HYI: variants seen among roughly 807,000 people sequenced by gnomAD.
HYI encodes the protein putative hydroxypyruvate isomerase.
In HYI, 47 loss-of-function variants were observed where a neutral mutation model predicts 39.7. The observed-to-expected ratio is 1.18, with a 90% CI of 0.94 to 1.51. HYI has a LOEUF of 1.51. Ranked by LOEUF, HYI falls within the 40% of genes most tolerant of loss-of-function variation. The pLI, the probability that HYI is intolerant of heterozygous loss-of-function variation, is 0.00. For synonymous variants in HYI, 186 were observed against 158.8 expected (o/e 1.17, Z -1.29); for missense variants, 465 against 370.3 (o/e 1.26, Z -2.10).
At chr1:43,451,760 C>T in intron 5 of HYI, 38 bp downstream of exon 5, 1 of 1,613,910 alleles carries the variant, frequency 6.2e-7, no homozygotes, top group East Asian at 2.2e-5. Flanking sequence ...GCAGGCCCCG[C>T]CCTCCTTCCG....
In HYI at chr1:43,453,888, G is replaced by T; in HGVS notation, c.-95C>A. The T allele has an allele frequency of 8.2e-7, 1 of 1,224,952 alleles. No individual in the cohort carries two copies. The highest frequency in any genetic ancestry group is 1.0e-6 in the Non-Finnish European group (1 of 984,450). 75.9% of individuals were successfully genotyped at this position (1,224,952 alleles called of 1,614,324 possible). ...GGCGGGGGCGGGGCTCTCCTTGCTG[G>T]CCCTGCGAACGAACGAGCACTGTTC... is the stretch of plus-strand genomic sequence containing the variant. On this transcript the variant is annotated 5_prime_UTR_variant, in exon 1 of 8. Transcript: ENST00000372430.
intron 2 of HYI, chr1:43,452,930 T>TA: frequency 1.2e-6 from 2 of 1,607,882 alleles, no homozygotes; most frequent in Non-Finnish European, 1.7e-6. Flanking sequence ...CGCTGCCAAA[T>TA]ACACCAGGCC....
chr1:43,453,706 A>AGCTGCCC lies in HYI; in HGVS notation c.81_87dup (p.Ser30GlyfsTer19). On this transcript the variant is annotated frameshift_variant, in exon 1 of 8. Coordinates refer to ENST00000372430, the MANE Select transcript of HYI (RefSeq NM_001190880.3). LOFTEE classifies it high-confidence loss of function. Reference sequence around the variant, plus strand: ...GCCACCTCGACGGCCTCGAAGCCCGAGCTGCCCGCGGCCCGCACCCGCGCG... The same window carrying AGCTGCCC: ...GCCACCTCGACGGCCTCGAAGCCCGAGCTGCCCGCTGCCCGCGGCCCGCACCCGCGCG... 2.1e-6 allele frequency: 3 copies of AGCTGCCC among 1,420,024 alleles called. No homozygotes were observed. Among genetic ancestry groups the AGCTGCCC allele is most frequent in the Non-Finnish European group, 2.7e-6 (3 of 1,096,802 alleles). The allele number at this position is 1,420,024 out of a possible 1,614,324, so 88.0% of individuals were successfully genotyped here. A position where few individuals can be genotyped will look rare whatever the true frequency, so the allele number is the denominator to read the frequency against.
chr1:43,451,428 A>G lies in HYI; in HGVS notation c.742T>C (p.Cys248Arg), dbSNP rs769354986. ...EDEGYKGFVG[C>R]EYQPRGDTVE... is the part of the protein sequence containing the mutation. Reference sequence around the variant, plus strand: ...GCCTCACCTCGAGGCTGATACTCACAGCCCACGAAGCCTTTGTAGCCTTCA... The same window carrying G: ...GCCTCACCTCGAGGCTGATACTCACGGCCCACGAAGCCTTTGTAGCCTTCA... The change falls in exon 7 of 8, where the codon TGT becomes CGT. Residue 248 changes from cysteine (C) to arginine (R), a missense_variant. By Grantham distance (180) the Cys-to-Arg change is radical. Transcript: ENST00000372430. 1.7e-5 allele frequency: 27 copies of G among 1,613,302 alleles called. No homozygotes were observed. The South Asian group carries it at 2.9e-4, about 17-fold the overall frequency.
rs79439514 is a variant in HYI at position 43,451,427 on chromosome 1, C to T, written c.743G>A (p.Cys248Tyr). ...EDEGYKGFVG[C>Y]EYQPRGDTVE... ...CGCCTCACCTCGAGGCTGATACTCA[C>T]AGCCCACGAAGCCTTTGTAGCCTTC... The change falls in exon 7 of 8, where the codon TGT (cysteine) becomes TAT (tyrosine). Residue 248 changes from cysteine (C) to tyrosine (Y), a missense_variant. Cys to Tyr is a radical substitution (Grantham distance 194). Coordinates refer to ENST00000372430, the MANE Select transcript of HYI (RefSeq NM_001190880.3). 2 of 1,613,232 alleles carry T rather than the reference C, an allele frequency of 1.2e-6. No homozygotes were observed. The highest frequency in any genetic ancestry group is 2.2e-5 in the East Asian group (1 of 44,890).
chr1:43,451,108 T>C lies in HYI; in HGVS notation c.*130A>G, dbSNP rs1040863745. The C allele has an allele frequency of 6.6e-6, 6 of 915,890 alleles. No homozygotes were observed. The highest frequency in any genetic ancestry group is 9.0e-6 in the Non-Finnish European group (5 of 553,852). 56.7% of individuals were successfully genotyped at this position (915,890 alleles called of 1,614,324 possible). A position where few individuals can be genotyped will look rare whatever the true frequency, so the allele number is the denominator to read the frequency against. On this transcript the variant is annotated 3_prime_UTR_variant, in exon 8 of 8. Transcript: ENST00000372430. ...GAGGGAAGCAGCAGAGAAACTGAAG[T>C]GTTAGACACTATGTGTCCCACCACC... is the stretch of plus-strand genomic sequence containing the variant.
At chr1:43,450,937 G>T (rs1393010241), downstream of HYI, 1 of 757,092 alleles carries the variant, frequency 1.3e-6, no homozygotes, top group Non-Finnish European at 2.4e-6. The surrounding 1 kb of genome is among the most constrained non-coding windows in gnomAD (Gnocchi z 4.3). Context: ...ATGACACCTG[G>T]GTTCCAATCC....
At position 43,451,015 on chromosome 1, in the gene HYI, T is replaced by C; in HGVS notation, c.*223A>G. On this transcript the variant is annotated 3_prime_UTR_variant, in exon 8 of 8. Coordinates refer to ENST00000372430, the MANE Select transcript of HYI (RefSeq NM_001190880.3). ...TTGCTCTCGGACCCTGGGTTTCTCA[T>C]CCTTTAATGAGGTGGGTTCAGAAGC... 1 of 769,674 alleles carries C rather than the reference T, an allele frequency of 1.3e-6. No individual in the cohort carries two copies. The highest frequency in any genetic ancestry group is 2.4e-6 in the Non-Finnish European group (1 of 422,752). The allele number at this position is 769,674 out of a possible 1,614,324, so 47.7% of individuals were successfully genotyped here.
Position 43,453,444 on chromosome 1 carries a change from C to T in HYI, c.253G>A (p.Ala85Thr), listed in dbSNP as rs866325841. 2 of 1,564,090 alleles carry T rather than the reference C, an allele frequency of 1.3e-6. No individual in the cohort carries two copies. The highest frequency in any genetic ancestry group is 8.7e-7 in the Non-Finnish European group (1 of 1,153,266). Residue 85 changes from alanine to threonine, a missense_variant, in exon 2 of 8, where the codon GCC becomes ACC. Physicochemically the swap from Ala to Thr is moderately conservative, Grantham distance 58 (BLOSUM62 0). Coordinates refer to ENST00000372430, the MANE Select transcript of HYI (RefSeq NM_001190880.3). ...GLGAVPGRQA[A>T]FREGLEQAVR... ...GCCTGCTCCAGTCCCTCTCGGAAGG[C>T]CGCCTGTCTCCCGGGGACGGCCCCC...
chr1:43,452,359 T>C (rs1446133329), intron 2 of HYI, 40 bp from the exon 3 acceptor site: 1 of 1,495,942 alleles, frequency 6.7e-7, no homozygotes, highest in Non-Finnish European at 9.3e-7. Context: ...CTCCCTTGGC[T>C]CTCTCTGCAC....
Position 43,453,205 on chromosome 1 carries a change from A to C in HYI, c.311+181T>G, listed in dbSNP as rs1390710518. 137 of 641,478 alleles carry C rather than the reference A, an allele frequency of 2.1e-4. 1 individual carries two copies. The East Asian group carries it at 3.7e-3, about 17-fold the overall frequency. 39.7% of individuals were successfully genotyped at this position (641,478 alleles called of 1,614,324 possible). A position where few individuals can be genotyped will look rare whatever the true frequency, so the allele number is the denominator to read the frequency against. ...CATGGGGTGAGCATGAAAGAGTGGCAAACAGAGTGGCATAAGACAGATAAA... is the reference window on the plus strand; with the variant it reads ...CATGGGGTGAGCATGAAAGAGTGGCCAACAGAGTGGCATAAGACAGATAAA... On this transcript the variant is annotated intron_variant, in intron 2 of 7. Transcript: ENST00000372430.
Position 43,453,395 on chromosome 1 carries a change from C to T in HYI, c.302G>A (p.Gly101Asp), listed in dbSNP as rs141158872. The change falls in exon 2 of 8, where the codon GGC (glycine) becomes GAC (aspartate). Residue 101 changes from glycine to aspartate, a missense_variant. Transcript: ENST00000372430. ...EQAVRYAKAL[G>D]CPRIHLMAGR... ...GGGTGGAGCGGGGTACCTGGGACAG[C>T]CCAGGGCTTTGGCATACCGCACGGC... The T allele has an allele frequency of 4.9e-4, 756 of 1,553,608 alleles. 4 individuals carry two copies. In the African/African-American group the frequency reaches 9.1e-3, roughly 19 times the overall value.
chr1:43,453,494 T>C lies in HYI; in HGVS notation c.203A>G (p.Asp68Gly). 1 of 1,552,610 alleles carries C rather than the reference T, an allele frequency of 6.4e-7. No homozygotes were observed. The highest frequency in any genetic ancestry group is 8.7e-7 in the Non-Finnish European group (1 of 1,147,290). Residue 68 changes from aspartate (D) to glycine (G), a missense_variant, in exon 2 of 8, where the codon GAC (aspartate) becomes GGC (glycine). Asp to Gly is a moderately conservative substitution (Grantham distance 94, BLOSUM62 -1). Transcript: ENST00000372430. ...CAGCCCCATTTCCCCCTTCTCTTGGTCTCCTGCAGAGAGAACGGGCCTCAG... is the reference window on the plus strand; with the variant it reads ...CAGCCCCATTTCCCCCTTCTCTTGGCCTCCTGCAGAGAGAACGGGCCTCAG... ...RLVLINTPPGDQEKGEMGLGA... is the reference protein window; with the variant it reads ...RLVLINTPPGGQEKGEMGLGA...
downstream of HYI, chr1:43,450,660 G>A (rs568017248): frequency 2.5e-3 from 2,409 of 955,576 alleles, 9 homozygotes; most frequent in Non-Finnish European, 3.4e-3. This position sits in a 1 kb window ranked among gnomAD's most constrained non-coding sequence, Gnocchi z 4.3. Context: ...AGCAGGAACC[G>A]CCCTCCCCAA....
In HYI at chr1:43,453,613, G is replaced by C; in HGVS notation, c.181C>G (p.Leu61Val). ...GACGCACCCGGGGGCGTGTTGATCA[G>C]TACAAGCCGCAGCCCCGCTTCTCGC... ...AAREAGLRLV[L>V]INTPPGDQEK... Residue 61 changes from leucine (L) to valine (V), a missense_variant, in exon 1 of 8, where the codon CTG becomes GTG. Leu to Val is a conservative substitution (Grantham distance 32). Transcript: ENST00000372430. 1 of 1,504,110 alleles carries C rather than the reference G, an allele frequency of 6.6e-7. No individual in the cohort carries two copies. The highest frequency in any genetic ancestry group is 1.3e-5 in the South Asian group (1 of 79,066). 93.2% of individuals were successfully genotyped at this position (1,504,110 alleles called of 1,614,324 possible). A position where few individuals can be genotyped will look rare whatever the true frequency, so the allele number is the denominator to read the frequency against.
Position 43,452,815 on chromosome 1 carries a change from G to A in HYI, c.312-496C>T, listed in dbSNP as rs1193578315. ...ATTTGAATCAGCCCCACTTTGAGCC[G>A]TCCACCTCCTCCCATCATCCCCTGA... On this transcript the variant is annotated intron_variant, in intron 2 of 7. Coordinates refer to ENST00000372430, the MANE Select transcript of HYI (RefSeq NM_001190880.3). 31 of 1,398,322 alleles carry A rather than the reference G, an allele frequency of 2.2e-5. No homozygotes were observed. The East Asian group carries it at 4.5e-4, about 20-fold the overall frequency. The allele number at this position is 1,398,322 out of a possible 1,614,324, so 86.6% of individuals were successfully genotyped here. A position where few individuals can be genotyped will look rare whatever the true frequency, so the allele number is the denominator to read the frequency against.
In HYI at chr1:43,453,401, G is replaced by T; in HGVS notation, c.296C>A (p.Ala99Asp). The T allele has an allele frequency of 6.4e-7, 1 of 1,555,450 alleles. No homozygotes were observed. The highest frequency in any genetic ancestry group is 8.7e-7 in the Non-Finnish European group (1 of 1,148,680). ...GLEQAVRYAK[A>D]LGCPRIHLMA... ...AGCGGGGTACCTGGGACAGCCCAGG[G>T]CTTTGGCATACCGCACGGCCTGCTC... Residue 99 changes from alanine (A) to aspartate (D), a missense_variant, in exon 2 of 8, where the codon GCC (alanine) becomes GAC (aspartate). Ala to Asp is a moderately radical substitution (Grantham distance 126, BLOSUM62 -2). Transcript: ENST00000372430.
Position 43,453,844 on chromosome 1 carries a change from C to T in HYI, c.-51G>A, listed in dbSNP as rs1230643712. On this transcript the variant is annotated 5_prime_UTR_variant, in exon 1 of 8. Coordinates refer to ENST00000372430, the MANE Select transcript of HYI (RefSeq NM_001190880.3). ...GTCCGCGGGATCCAAAGGCGGCGGG[C>T]GGCGGGCGGCGGGCGGCGGGCGGGG... is the stretch of plus-strand genomic sequence containing the variant. 2.6e-6 allele frequency: 3 copies of T among 1,134,792 alleles called. No homozygotes were observed. Among genetic ancestry groups the T allele is most frequent in the Non-Finnish European group, 3.3e-6 (3 of 911,348 alleles). 70.3% of individuals were successfully genotyped at this position (1,134,792 alleles called of 1,614,324 possible).
chr1:43,453,542 G>A (rs1240467999), intron 1 of HYI, 45 bp from the exon 2 acceptor site: 1 of 1,522,542 alleles, frequency 6.6e-7, no homozygotes, highest in Admixed American at 2.0e-5. Context: ...ACACTCCCCT[G>A]CCCGCGCCCC....
Sources: allele counts gnomAD v4.1 joint callset, GRCh38; gene constraint gnomAD v4.1.1; non-coding constraint Gnocchi (gnomAD v3.1); transcripts MANE v1.5; gene names NCBI Gene and HGNC (gene_info 2026-07-23, HGNC 2026-07-21).